GALNT8: variants seen among roughly 807,000 people sequenced by gnomAD.
GALNT8 encodes probable polypeptide N-acetylgalactosaminyltransferase 8.
A neutral mutation model predicts 62.7 loss-of-function variants in GALNT8; 66 were observed. The ratio of observed to expected loss-of-function variants is 1.05; its 90% CI spans 0.86 to 1.29. The LOEUF is 1.29. Among genes scored for constraint, GALNT8 ranks in the 50% most tolerant of loss-of-function variants. GALNT8 has a pLI of 0.00. For synonymous variants in GALNT8, 288 were observed against 294.3 expected (o/e 0.98, Z 0.22); for missense variants, 771 against 791.8 (o/e 0.97, Z 0.32).
chr12:4,769,608 G>A (rs982722091), intron 10 of GALNT8, among the ~76,000 whole-genome samples: 7 of 151,962 alleles, frequency 4.6e-5, no homozygotes, highest in Non-Finnish European at 8.8e-5. Context: ...AATTGGAAAA[G>A]ATGTATATAG....
intron 6 of GALNT8, among the ~76,000 whole-genome samples, chr12:4,747,333 C>G (rs149713265): frequency 6.6e-6 from 1 of 152,070 alleles, no homozygotes; most frequent in Non-Finnish European, 1.5e-5. Context: ...TTCTTTGTGA[C>G]TATTATTTTT....
intron 2 of GALNT8, among the ~76,000 whole-genome samples, chr12:4,738,356 G>C (rs1364498016): frequency 1.3e-5 from 2 of 152,190 alleles, no homozygotes; most frequent in African/African-American, 4.8e-5. Flanking sequence ...GGAGATAGGG[G>C]TTGGCAAGAG....
chr12:4,756,897 C>A (rs1171710665), intron 6 of GALNT8, among the ~76,000 whole-genome samples: 4 of 152,176 alleles, frequency 2.6e-5, no homozygotes, highest in Admixed American at 2.6e-4. Flanking sequence ...ACTCATATCT[C>A]ATCTTAAATT....
intron 6 of GALNT8, among the ~76,000 whole-genome samples, chr12:4,760,008 A>C (rs1264439685): frequency 6.6e-6 from 1 of 152,242 alleles, no homozygotes; most frequent in Non-Finnish European, 1.5e-5. Context: ...TGGTCAAGTT[A>C]TGCAAATTAG....
At chr12:4,767,481 G>C (rs534560788) in intron 10 of GALNT8, among the ~76,000 whole-genome samples, 1 of 152,214 alleles carries the variant, frequency 6.6e-6, no homozygotes, top group Non-Finnish European at 1.5e-5. Context: ...GTCTTTGTGA[G>C]GAAGAGGGAG....
At chr12:4,730,326 T>G (rs1267376594) in intron 2 of GALNT8, among the ~76,000 whole-genome samples, 2 of 152,222 alleles carry the variant, frequency 1.3e-5, no homozygotes, top group Non-Finnish European at 2.9e-5. Flanking sequence ...ATTTTCTTTA[T>G]AGGAGTTTTA....
At chr12:4,756,658 C>G (rs907126725) in intron 6 of GALNT8, among the ~76,000 whole-genome samples, 1 of 152,096 alleles carries the variant, frequency 6.6e-6, no homozygotes, top group East Asian at 1.9e-4. Context: ...AAGTAATTTC[C>G]CATCTAGAGT....
Position 4,726,730 on chromosome 12 carries a change from A to C in GALNT8, c.410A>C (p.Gln137Pro), listed in dbSNP as rs141779145. Residue 137 changes from glutamine to proline, a missense_variant, in exon 2 of 11, where the codon CAG (glutamine) becomes CCG (proline). By Grantham distance (76) the Gln-to-Pro change is moderately conservative. Transcript: ENST00000252318. The surrounding 1 kb of genome is among the most constrained non-coding windows in gnomAD (Gnocchi z 4.1). ...QWGEDLSEAQQKAAQDLFRKF... is the reference protein window; with the variant it reads ...QWGEDLSEAQPKAAQDLFRKF... ...GGCGAGGATCTTTCTGAGGCCCAGC[A>C]GAAGGCGGCCCAGGACCTCTTCCGG... The C allele has an allele frequency of 6.2e-7, 1 of 1,614,106 alleles. No individual in the cohort carries two copies.
chr12:4,722,656 CAG>C (rs1946176195), intron 1 of GALNT8, among the ~76,000 whole-genome samples: 1 of 152,164 alleles, frequency 6.6e-6, no homozygotes, highest in African/African-American at 2.4e-5. Flanking sequence ...TCCCAGGTAA[CAG>C]GGATCAAATG....
At chr12:4,757,346 A>C (rs1429406508) in intron 6 of GALNT8, among the ~76,000 whole-genome samples, 1 of 152,226 alleles carries the variant, frequency 6.6e-6, no homozygotes, top group Non-Finnish European at 1.5e-5. Context: ...ATTTGATATA[A>C]TTTTATAAAG....
At chr12:4,748,636 A>C (rs1176207829) in intron 6 of GALNT8, among the ~76,000 whole-genome samples, 1 of 152,038 alleles carries the variant, frequency 6.6e-6, no homozygotes, top group African/African-American at 2.4e-5. Context: ...CTGTATTATA[A>C]TTTGAAGTCA....
intron 2 of GALNT8, among the ~76,000 whole-genome samples, chr12:4,735,835 G>A (rs1476824425): frequency 6.6e-6 from 1 of 152,178 alleles, no homozygotes; most frequent in Non-Finnish European, 1.5e-5. Context: ...CTGTGCAGTG[G>A]TGCAGAAGTT....
chr12:4,745,404 G>A (rs1247827857), intron 4 of GALNT8, 25 bp from the exon 5 acceptor site: 2 of 1,516,882 alleles, frequency 1.3e-6, no homozygotes, highest in Non-Finnish European at 1.8e-6. Flanking sequence ...ATCCAAGCTG[G>A]GCTTTCTGCA....
intron 2 of GALNT8, among the ~76,000 whole-genome samples, chr12:4,734,795 G>A (rs549601171): frequency 2.0e-5 from 3 of 152,122 alleles, no homozygotes; most frequent in African/African-American, 7.2e-5. Context: ...ATATCTCTTG[G>A]CACTACTACT....
In GALNT8 at chr12:4,761,124, C is replaced by A; in HGVS notation, c.1340C>A (p.Ala447Asp). The A allele has an allele frequency of 6.2e-7, 1 of 1,613,890 alleles. No individual in the cohort carries two copies. Among genetic ancestry groups the A allele is most frequent in the Non-Finnish European group, 8.5e-7 (1 of 1,179,878 alleles). ...MDEHKHMVYL[A>D]WNIPLQNSGI... ...GAGCACAAACACATGGTCTACTTGG[C>A]CTGGAACATACCTCTCCAGGTGAGT... The change falls in exon 7 of 11, where the codon GCC (alanine) becomes GAC (aspartate). Residue 447 changes from alanine to aspartate, a missense_variant. Ala to Asp is a moderately radical substitution (Grantham distance 126). Transcript: ENST00000252318.
intron 4 of GALNT8, 29 bp from the exon 5 acceptor site, chr12:4,745,400 G>C (rs148161631): frequency 6.1e-6 from 9 of 1,484,106 alleles, no homozygotes; most frequent in Non-Finnish European, 7.5e-6. Context: ...TCATATCCAA[G>C]CTGGGCTTTC....
At position 4,749,916 on chromosome 12, in the gene GALNT8, T is replaced by C. The variant is rs1156883709; in HGVS notation, c.1173+3658T>C. 2.0e-5 allele frequency among the ~76,000 whole-genome samples: 3 copies of C among 152,144 alleles called. No homozygotes were observed. Among genetic ancestry groups the C allele is most frequent in the Non-Finnish European group, 2.9e-5 (2 of 68,032 alleles). On this transcript the variant is annotated intron_variant, in intron 6 of 10. Coordinates refer to ENST00000252318, the MANE Select transcript of GALNT8 (RefSeq NM_017417.2). This position sits in a 1 kb window ranked among gnomAD's most constrained non-coding sequence, Gnocchi z 4.1. ...AACCAAGTTCAATGTGTCTAGGAAT[T>C]TGTCCATTTCTTCTAGATTTTCCAA... is the stretch of plus-strand genomic sequence containing the variant.
At chr12:4,758,649 A>AG (rs1946357484) in intron 6 of GALNT8, among the ~76,000 whole-genome samples, 6 of 149,472 alleles carry the variant, frequency 4.0e-5, no homozygotes, top group African/African-American at 1.5e-4. Flanking sequence ...AGAGAGAGAG[A>AG]GAGAGAGAGA....
intron 6 of GALNT8, among the ~76,000 whole-genome samples, chr12:4,754,734 T>C (rs891451805): frequency 1.3e-5 from 2 of 152,120 alleles, no homozygotes; most frequent in Admixed American, 6.5e-5. Flanking sequence ...TCTCAGAGAC[T>C]TACCCACGGC....
Sources: allele counts gnomAD v4.1 joint callset (sites outside exome capture counted in the v4.1 genomes callset), GRCh38; gene constraint gnomAD v4.1.1; non-coding constraint Gnocchi (gnomAD v3.1); transcripts MANE v1.5; gene names NCBI Gene and HGNC (gene_info 2026-07-23, HGNC 2026-07-21).